Variants in SPIN1 observed in about 807,000 individuals in gnomAD.
SPIN1 encodes the protein spindlin-1.
In SPIN1, 3 loss-of-function variants were observed where a neutral mutation model predicts 26.0. The ratio of observed to expected loss-of-function variants is 0.12; its 90% CI spans 0.05 to 0.30. SPIN1 has a LOEUF of 0.30. Among genes scored for constraint, SPIN1 ranks in the 10% least tolerant of loss-of-function variants. The pLI is 1.00. For missense variants in SPIN1, 126 were observed against 333.4 expected (o/e 0.38, Z 4.84); for synonymous variants, 101 against 116.5 (o/e 0.87, Z 0.86).
intron 1 of SPIN1, among the ~76,000 whole-genome samples, chr9:88,397,180 A>G (rs1427045024): frequency 6.6e-6 from 1 of 152,132 alleles, no homozygotes; most frequent in Non-Finnish European, 1.5e-5. Flanking sequence ...AATTTTTTTA[A>G]CTTAATAAGC....
chr9:88,429,373 T>G (rs1217009495), intron 2 of SPIN1, among the ~76,000 whole-genome samples: 1 of 152,128 alleles, frequency 6.6e-6, no homozygotes, highest in Admixed American at 6.5e-5. Flanking sequence ...GCTGCTTGCT[T>G]CTGATGCCAG....
chr9:88,401,276 CA>C (rs1827179853), intron 1 of SPIN1, among the ~76,000 whole-genome samples: 2 of 152,014 alleles, frequency 1.3e-5, no homozygotes, highest in African/African-American at 4.8e-5. Flanking sequence ...AACAACTGTC[CA>C]ATAATGGAGT....
At chr9:88,397,430 A>G (rs1304335040) in intron 1 of SPIN1, among the ~76,000 whole-genome samples, 5 of 152,048 alleles carry the variant, frequency 3.3e-5, no homozygotes, top group Admixed American at 2.6e-4. Flanking sequence ...ATTCTCCACC[A>G]GGAATCTTGG....
intron 3 of SPIN1, among the ~76,000 whole-genome samples, chr9:88,460,946 C>T (rs753389081): frequency 2.6e-5 from 4 of 152,218 alleles, no homozygotes; most frequent in African/African-American, 4.8e-5. Context: ...TTTTCATCTA[C>T]TTAATGAGCC....
rs548040711 is a variant in SPIN1, at chr9:88,404,753, T to A, written c.-159+16215T>A. 2.0e-5 allele frequency among the ~76,000 whole-genome samples: 3 copies of A among 151,812 alleles called. No homozygotes were observed. The South Asian group carries it at 6.2e-4, about 32-fold the overall frequency. ...CAACATGGTGAAACCCTGTCTCTAC[T>A]AAAAATACAAAAAGTAGCCGGGCGT... On this transcript the variant is annotated intron_variant, in intron 1 of 5. Transcript: ENST00000375859.
At chr9:88,399,999 T>A (rs7044113) in intron 1 of SPIN1, among the ~76,000 whole-genome samples, 50,745 of 152,048 alleles carry the variant, frequency 0.33, 16,105 homozygotes, top group African/African-American at 0.84. Context: ...TAAGCTGGAG[T>A]CCTTAAATCC....
chr9:88,413,315 C>T (rs997611890), intron 1 of SPIN1, among the ~76,000 whole-genome samples: 16 of 150,088 alleles, frequency 1.1e-4, no homozygotes, highest in Admixed American at 6.6e-4. Context: ...GCCTTGGCCT[C>T]CTAAAGTGTT....
chr9:88,403,831 A>G (rs777499064), intron 1 of SPIN1, among the ~76,000 whole-genome samples: 2 of 152,332 alleles, frequency 1.3e-5, no homozygotes, highest in South Asian at 4.1e-4. Flanking sequence ...TCCTTTGGTT[A>G]GTATGTGTAG....
rs550656245 is a variant in SPIN1, at chr9:88,463,206, TTTA to T, written c.355+462_355+464del. Reference sequence around the variant, plus strand: ...AAATTTAAACAACCAAAACGTGGTCTTTATTATACACAGAGCTTGATTGAACAA... The same window carrying T: ...AAATTTAAACAACCAAAACGTGGTCTTTATACACAGAGCTTGATTGAACAA... On this transcript the variant is annotated intron_variant, in intron 4 of 5. Coordinates refer to ENST00000375859, the MANE Select transcript of SPIN1 (RefSeq NM_006717.3). Among the ~76,000 whole-genome samples the T allele has an allele frequency of 5.9e-4, 90 of 152,316 alleles. 1 individual carries two copies. The highest frequency in any genetic ancestry group is 9.7e-4 in the Non-Finnish European group (66 of 68,022).
chr9:88,458,319 TAAG>T (rs1828513243), intron 3 of SPIN1, among the ~76,000 whole-genome samples: 1 of 151,828 alleles, frequency 6.6e-6, no homozygotes, highest in Non-Finnish European at 1.5e-5. Context: ...TAACTCTTAA[TAAG>T]AAGATGAGGA....
chr9:88,469,406 G>A (rs1286543157), intron 5 of SPIN1, among the ~76,000 whole-genome samples: 1 of 152,232 alleles, frequency 6.6e-6, no homozygotes, highest in Non-Finnish European at 1.5e-5. Context: ...TACAGAGTCA[G>A]TGTTTAGACA....
intron 1 of SPIN1, chr9:88,411,574 C>T: frequency 1.7e-6 from 1 of 595,190 alleles, no homozygotes; most frequent in Non-Finnish European, 3.0e-6. Context: ...AGTGCAGTGG[C>T]ATGATCTTGG....
chr9:88,394,936 A>G (rs1225673855), intron 1 of SPIN1, among the ~76,000 whole-genome samples: 1 of 150,466 alleles, frequency 6.6e-6, no homozygotes, highest in Non-Finnish European at 1.5e-5. Flanking sequence ...CAGCCTCCTG[A>G]GTAGCTGGGA....
chr9:88,454,933 A>G (rs997530409), intron 3 of SPIN1, among the ~76,000 whole-genome samples: 1 of 152,306 alleles, frequency 6.6e-6, no homozygotes, highest in East Asian at 1.9e-4. Context: ...TTGAGGGGAA[A>G]ATTACCGTTG....
At chr9:88,454,709 A>C (rs890918276) in intron 3 of SPIN1, among the ~76,000 whole-genome samples, 2 of 152,198 alleles carry the variant, frequency 1.3e-5, no homozygotes, top group Non-Finnish European at 2.9e-5. Flanking sequence ...AACCTGTCTT[A>C]AGTAGGTACT....
chr9:88,458,106 G>GT, intron 3 of SPIN1: 1 of 600,484 alleles, frequency 1.7e-6, no homozygotes, highest in Non-Finnish European at 2.1e-6. Flanking sequence ...TATATGCAAA[G>GT]TTAAAGATAA....
intron 2 of SPIN1, among the ~76,000 whole-genome samples, chr9:88,443,324 G>A (rs144465131): frequency 7.9e-5 from 12 of 152,156 alleles, no homozygotes; most frequent in Middle Eastern, 3.4e-3. Flanking sequence ...AGGTTCTTTG[G>A]TTAGTCCTGT....
intron 1 of SPIN1, among the ~76,000 whole-genome samples, chr9:88,424,875 G>A (rs1168000261): frequency 1.3e-5 from 2 of 152,160 alleles, no homozygotes; most frequent in Non-Finnish European, 2.9e-5. Flanking sequence ...ATGGGATCAT[G>A]GAGGAAAAGA....
chr9:88,397,283 G>C (rs1587770510), intron 1 of SPIN1, among the ~76,000 whole-genome samples: 1 of 152,058 alleles, frequency 6.6e-6, no homozygotes, highest in Non-Finnish European at 1.5e-5. Flanking sequence ...TATGTGGTCT[G>C]TTGTGTTGAC....
Sources: allele counts gnomAD v4.1 joint callset (sites outside exome capture counted in the v4.1 genomes callset), GRCh38; gene constraint gnomAD v4.1.1; transcripts MANE v1.5; gene names NCBI Gene and HGNC (gene_info 2026-07-23, HGNC 2026-07-21).